ECT2L: variants seen among roughly 807,000 people sequenced by gnomAD.
ECT2L encodes epithelial cell-transforming sequence 2 oncogene-like.
ECT2L carries 126 observed loss-of-function variants against 122.8 expected under a neutral mutation model. That is an observed-to-expected ratio of 1.03 (90% confidence interval 0.89 to 1.19). The LOEUF is 1.19. Among genes scored for constraint, ECT2L ranks in the 50% most tolerant of loss-of-function variants. The pLI is 0.00. For missense variants in ECT2L, 1,012 were observed against 1,064.1 expected (o/e 0.95, Z 0.68); for synonymous variants, 385 against 381.8 (o/e 1.01, Z -0.10).
chr6:138,895,080 T>A (rs1341638079), intron 20 of ECT2L, among the ~76,000 whole-genome samples: 2 of 152,078 alleles, frequency 1.3e-5, no homozygotes, highest in African/African-American at 4.8e-5. Context: ...GCAACATAGT[T>A]GGACCCCGTC....
At chr6:138,833,025 A>G (rs1247109156) in intron 4 of ECT2L, among the ~76,000 whole-genome samples, 1 of 150,736 alleles carries the variant, frequency 6.6e-6, no homozygotes, top group East Asian at 1.9e-4. Context: ...GCGGCAGGCG[A>G]GAGAGAGAGA....
chr6:138,824,137 C>T (rs1442687394), intron 4 of ECT2L, among the ~76,000 whole-genome samples: 1 of 152,094 alleles, frequency 6.6e-6, no homozygotes, highest in African/African-American at 2.4e-5. Context: ...TAAAATGACA[C>T]AGAACTGTAT....
At chr6:138,860,639 T>C (rs1777792420) in intron 10 of ECT2L, among the ~76,000 whole-genome samples, 1 of 152,182 alleles carries the variant, frequency 6.6e-6, no homozygotes, top group African/African-American at 2.4e-5. Context: ...ACCCATTTCA[T>C]TCCAAGTAAT....
chr6:138,902,749 A>G lies in ECT2L; in HGVS notation c.*122A>G, dbSNP rs1228116127. On this transcript the variant is annotated 3_prime_UTR_variant, in exon 22 of 22. Transcript: ENST00000541398. ...CTGTCATGGATGATGAGATAAACTA[A>G]GATGACCCATAGGATCTTTCCAACT... 1 of 1,179,924 alleles carries G rather than the reference A, an allele frequency of 8.5e-7. No individual in the cohort carries two copies. The highest frequency in any genetic ancestry group is 1.2e-6 in the Non-Finnish European group (1 of 823,604). 73.1% of individuals were successfully genotyped at this position (1,179,924 alleles called of 1,614,324 possible). A position where few individuals can be genotyped will look rare whatever the true frequency, so the allele number is the denominator to read the frequency against.
chr6:138,881,015 T>TA lies in ECT2L; in HGVS notation c.1725dup (p.Gln576ThrfsTer3). ...CGAGCTAGAGTTGTCAGAGAACTCT[T>TA]ACAGAGTGAGAGAAAATACGTGCAG... is the stretch of plus-strand genomic sequence containing the variant. On this transcript the variant is annotated frameshift_variant, in exon 15 of 22. Coordinates refer to ENST00000541398, the MANE Select transcript of ECT2L (RefSeq NM_001077706.3). LOFTEE classifies it high-confidence loss of function. 1 of 1,614,126 alleles carries TA rather than the reference T, an allele frequency of 6.2e-7. No homozygotes were observed. Among genetic ancestry groups the TA allele is most frequent in the South Asian group, 1.1e-5 (1 of 91,080 alleles).
chr6:138,898,786 C>A (rs537344240), intron 20 of ECT2L, among the ~76,000 whole-genome samples: 15 of 152,072 alleles, frequency 9.9e-5, no homozygotes, highest in Non-Finnish European at 1.9e-4. Flanking sequence ...ACACAGCAGT[C>A]CCCCCTTATC....
intron 4 of ECT2L, among the ~76,000 whole-genome samples, chr6:138,821,796 A>G (rs1776276770): frequency 6.6e-6 from 1 of 152,260 alleles, no homozygotes; most frequent in Non-Finnish European, 1.5e-5. Context: ...CTAGTAGAAT[A>G]AAACTAAAAT....
chr6:138,858,265 G>A (rs752175969), intron 10 of ECT2L, among the ~76,000 whole-genome samples: 1 of 152,088 alleles, frequency 6.6e-6, no homozygotes, highest in Non-Finnish European at 1.5e-5. Flanking sequence ...CATACTGGAT[G>A]TTTAATTTTC....
intron 9 of ECT2L, among the ~76,000 whole-genome samples, chr6:138,853,159 G>T (rs763962109): frequency 6.6e-6 from 1 of 152,112 alleles, no homozygotes; most frequent in South Asian, 2.1e-4. Context: ...GTAGAGATGG[G>T]GTTTCACCAT....
intron 4 of ECT2L, among the ~76,000 whole-genome samples, chr6:138,818,564 G>A (rs901873123): frequency 7.2e-5 from 11 of 152,214 alleles, no homozygotes; most frequent in Non-Finnish European, 1.5e-5. Context: ...AGAGGTTAAA[G>A]AAGAAAACAT....
At chr6:138,890,158 T>C (rs1260605203) in intron 20 of ECT2L, among the ~76,000 whole-genome samples, 19 of 152,172 alleles carry the variant, frequency 1.2e-4, no homozygotes, top group Admixed American at 1.1e-3. Context: ...AAATAATTAA[T>C]AGAATCAAAT....
At chr6:138,851,558 T>C (rs1329774834) in intron 9 of ECT2L, among the ~76,000 whole-genome samples, 1 of 151,224 alleles carries the variant, frequency 6.6e-6, no homozygotes, top group Non-Finnish European at 1.5e-5. Context: ...TTGATTTGCA[T>C]TTCTCTGATT....
At chr6:138,900,535 G>A (rs552414209) in intron 20 of ECT2L, among the ~76,000 whole-genome samples, 4 of 152,238 alleles carry the variant, frequency 2.6e-5, no homozygotes, top group South Asian at 2.1e-4. Context: ...GTGAGCCACC[G>A]CGCCCAGCCT....
chr6:138,900,788 A>T (rs573912545), intron 20 of ECT2L, among the ~76,000 whole-genome samples, 160 bp from the exon 21 acceptor site: 2 of 152,312 alleles, frequency 1.3e-5, no homozygotes, highest in Non-Finnish European at 2.9e-5. Flanking sequence ...GGCGAATCAC[A>T]TCAGGAGGAA....
chr6:138,891,507 C>CTCCTTT (rs1779024309), intron 20 of ECT2L, among the ~76,000 whole-genome samples: 3 of 152,186 alleles, frequency 2.0e-5, no homozygotes, highest in Admixed American at 2.0e-4. Context: ...TATCTAAAGC[C>CTCCTTT]AGATACTCCT....
chr6:138,864,536 A>C (rs1777958017), intron 11 of ECT2L, among the ~76,000 whole-genome samples: 1 of 152,186 alleles, frequency 6.6e-6, no homozygotes, highest in African/African-American at 2.4e-5. Context: ...AGTTTGACAT[A>C]ATTTAAGAAA....
chr6:138,886,104 T>G (rs1297571813), intron 18 of ECT2L, among the ~76,000 whole-genome samples: 1 of 149,040 alleles, frequency 6.7e-6, no homozygotes, highest in Non-Finnish European at 1.5e-5. Flanking sequence ...TTGGACTGAT[T>G]TTTTACACAA....
intron 20 of ECT2L, among the ~76,000 whole-genome samples, chr6:138,897,877 T>A (rs1234888540): frequency 6.6e-6 from 1 of 152,126 alleles, no homozygotes; most frequent in Non-Finnish European, 1.5e-5. Flanking sequence ...ATCGGCATTG[T>A]CCCTTCCAAA....
Position 138,814,480 on chromosome 6 carries a change from C to T in ECT2L, c.67-11C>T. ...TACAGCAAATGTCACTTCCTCCCCTCCCCCTTATAGCTCTTTCAGGAAAGA... is the reference window on the plus strand; with the variant it reads ...TACAGCAAATGTCACTTCCTCCCCTTCCCCTTATAGCTCTTTCAGGAAAGA... On this transcript the variant is annotated splice_polypyrimidine_tract_variant and intron_variant, in intron 3 of 21. Transcript: ENST00000541398. 6.4e-7 allele frequency: 1 copy of T among 1,559,680 alleles called. No homozygotes were observed. Among genetic ancestry groups the T allele is most frequent in the Non-Finnish European group, 8.8e-7 (1 of 1,134,698 alleles).
Sources: gnomAD v4.1 joint callset for allele counts (sites outside exome capture counted in the v4.1 genomes callset) on GRCh38, gnomAD v4.1.1 for gene constraint, MANE v1.5 for transcripts, NCBI Gene and HGNC (gene_info 2026-07-23, HGNC 2026-07-21) for gene names.